The following ADAM19 variants were observed in gnomAD, a reference collection of about 807,000 sequenced individuals.
The protein encoded by ADAM19 is disintegrin and metalloproteinase domain-containing protein 19.
Under a neutral mutation model 114.7 loss-of-function variants are expected in ADAM19, and 65 were observed. The ratio of observed to expected loss-of-function variants is 0.57; its 90% CI spans 0.46 to 0.70. The LOEUF (loss-of-function observed/expected upper bound fraction) is 0.70. Ranked by LOEUF, ADAM19 falls within the 30% of genes least tolerant of loss-of-function variation. ADAM19 has a pLI of 0.00. For missense variants in ADAM19, 1,063 were observed against 1,204.7 expected, an observed-to-expected ratio of 0.88 and a Z score of 1.74; for synonymous variants, 466 against 460.5, an observed-to-expected ratio of 1.01 and a Z score of -0.15.
At chr5:157,531,430 G>A (rs1316864884) in intron 4 of ADAM19, among the ~76,000 whole-genome samples, 1 of 152,194 alleles carries the variant, frequency 6.6e-6, no homozygotes, top group Non-Finnish European at 1.5e-5. Context: ...ACTTTGGGAG[G>A]CTGAGGCAGA....
At chr5:157,527,369 CCTGA>C (rs1202387457) in intron 5 of ADAM19, among the ~76,000 whole-genome samples, 4 of 152,178 alleles carry the variant, frequency 2.6e-5, no homozygotes, top group Non-Finnish European at 5.9e-5. Flanking sequence ...CACCACCACG[CCTGA>C]CTAATTTTTT....
At position 157,488,964 on chromosome 5, in the gene ADAM19, A is replaced by G. The variant is rs142487293; in HGVS notation, c.2325+138T>C. 130 of 654,860 alleles carry G rather than the reference A, an allele frequency of 2.0e-4. 1 individual carries two copies. The East Asian group carries it at 3.8e-3, about 19-fold the overall frequency. 40.6% of individuals were successfully genotyped at this position (654,860 alleles called of 1,614,324 possible). On this transcript the variant is annotated intron_variant, in intron 20 of 22. Coordinates refer to ENST00000257527, the MANE Select transcript of ADAM19 (RefSeq NM_033274.5). The stretch of plus-strand genomic sequence containing the variant: ...AGAATGGCGTGAACCCTGGAGGCGG[A>G]GCTTGCAGTGAGCTGAGATGGCGCC...
chr5:157,545,669 A>G (rs920063828), intron 3 of ADAM19, among the ~76,000 whole-genome samples: 2 of 152,192 alleles, frequency 1.3e-5, no homozygotes, highest in Admixed American at 1.3e-4. Context: ...AGAATCTGAA[A>G]AAAAGCAAAA....
At chr5:157,488,713 T>G (rs11466800) in intron 20 of ADAM19, among the ~76,000 whole-genome samples, 31 of 152,266 alleles carry the variant, frequency 2.0e-4, no homozygotes, top group African/African-American at 7.2e-4. Context: ...ACCAATCCCA[T>G]GGGCCCACAG....
At chr5:157,560,264 CAAAAAAAAAAAAAAA>C (rs35731498) in intron 3 of ADAM19, among the ~76,000 whole-genome samples, 2 of 51,708 alleles carry the variant, frequency 3.9e-5, no homozygotes, top group African/African-American at 6.3e-5. Context: ...GACTCCGTCT[CAAAAAAAAAAAAAAA>C]AAAAAAAAAA....
At chr5:157,528,324 C>A (rs557679280) in intron 5 of ADAM19, among the ~76,000 whole-genome samples, 2 of 152,238 alleles carry the variant, frequency 1.3e-5, no homozygotes, top group Non-Finnish European at 2.9e-5. Flanking sequence ...ATCCCCCTCC[C>A]TTTCAGCACT....
In ADAM19 at chr5:157,564,313, C is replaced by T. The variant is rs143865699; in HGVS notation, c.251+60G>A. On this transcript the variant is annotated intron_variant, in intron 3 of 22. Transcript: ENST00000257527. ...CTTCCTTCCAGAACAGCGACACCTGCGTCCGGCGTTGACACAGAAGTTATT... is the reference window on the plus strand; with the variant it reads ...CTTCCTTCCAGAACAGCGACACCTGTGTCCGGCGTTGACACAGAAGTTATT... The T allele has an allele frequency of 2.2e-5, 32 of 1,488,148 alleles. No individual in the cohort carries two copies. The East Asian group carries it at 6.8e-4, about 32-fold the overall frequency. 92.2% of individuals were successfully genotyped at this position (1,488,148 alleles called of 1,614,324 possible).
Position 157,491,723 on chromosome 5 carries a change from C to A in ADAM19, c.1987G>T (p.Val663Phe). The change falls in exon 18 of 23, where the codon GTC becomes TTC. Residue 663 changes from valine to phenylalanine, a missense_variant and splice_region_variant. Coordinates refer to ENST00000257527, the MANE Select transcript of ADAM19 (RefSeq NM_033274.5). Reference protein sequence around the residue: ...GCGKKCNGHGVCNNNQNCHCL... With the variant: ...GCGKKCNGHGFCNNNQNCHCL... The stretch of plus-strand genomic sequence containing the variant: ...TGGCAGTTCTGGTTGTTGTTACAGA[C>A]CTGGAGCAAAGAAAGGGCAGAGGCA... 1 of 1,598,882 alleles carries A rather than the reference C, an allele frequency of 6.3e-7. No homozygotes were observed. Among genetic ancestry groups the A allele is most frequent in the Non-Finnish European group, 8.5e-7 (1 of 1,171,096 alleles).
intron 11 of ADAM19, among the ~76,000 whole-genome samples, 167 bp from the exon 12 acceptor site, chr5:157,503,147 C>T (rs191455071): frequency 2.0e-5 from 3 of 152,298 alleles, no homozygotes; most frequent in African/African-American, 7.2e-5. Flanking sequence ...TTTACCAATA[C>T]ATTAATTTAG....
intron 5 of ADAM19, among the ~76,000 whole-genome samples, chr5:157,528,088 C>T (rs573621936): frequency 4.6e-5 from 7 of 152,300 alleles, no homozygotes; most frequent in East Asian, 1.9e-4. Context: ...CTTTGGGAGG[C>T]GCCTAGTGTT....
intron 22 of ADAM19, chr5:157,481,395 T>C: frequency 6.6e-6 from 4 of 602,870 alleles, no homozygotes; most frequent in South Asian, 6.3e-5. Context: ...GGGCCAAGTG[T>C]ACACAGCCTC....
At chr5:157,492,407 C>T (rs1755204858) in intron 16 of ADAM19, among the ~76,000 whole-genome samples, 1 of 152,116 alleles carries the variant, frequency 6.6e-6, no homozygotes, top group Admixed American at 6.5e-5. Context: ...CTAAATTCTG[C>T]TATTACTTTT....
At chr5:157,504,884 C>T (rs970217881) in intron 11 of ADAM19, among the ~76,000 whole-genome samples, 6 of 151,854 alleles carry the variant, frequency 4.0e-5, no homozygotes, top group Non-Finnish European at 8.8e-5. Context: ...CTTTGGGAGG[C>T]CGAGGCGGGT....
At chr5:157,522,034 GC>G (rs1462074240) in intron 5 of ADAM19, among the ~76,000 whole-genome samples, 1 of 152,212 alleles carries the variant, frequency 6.6e-6, no homozygotes, top group Non-Finnish European at 1.5e-5. Context: ...ACTTGAACAA[GC>G]CTGTGAGCTA....
At chr5:157,531,275 C>A (rs1756616770) in intron 4 of ADAM19, among the ~76,000 whole-genome samples, 1 of 152,192 alleles carries the variant, frequency 6.6e-6, no homozygotes, top group Non-Finnish European at 1.5e-5. Context: ...TTTGCAACCC[C>A]CTGCAATGAG....
At chr5:157,492,005 C>T (rs1239937066) in intron 16 of ADAM19, 93 bp from the exon 17 acceptor site, 9 of 1,244,132 alleles carry the variant, frequency 7.2e-6, no homozygotes, top group Non-Finnish European at 1.0e-5. Context: ...CATATGAGGA[C>T]CCATGGCCCG....
chr5:157,480,243 C>T lies in ADAM19; in HGVS notation c.*706G>A, dbSNP rs777331738. On this transcript the variant is annotated 3_prime_UTR_variant, in exon 23 of 23. Coordinates refer to ENST00000257527, the MANE Select transcript of ADAM19 (RefSeq NM_033274.5). The stretch of plus-strand genomic sequence containing the variant: ...TCAGGAGTCGCAACCTTTGGCATCA[C>T]GGCTCAGAGGAAGCCCAAGCCCGGT... 54 of 985,886 alleles carry T rather than the reference C, an allele frequency of 5.5e-5. No individual in the cohort carries two copies. The highest frequency in any genetic ancestry group is 2.3e-4 in the East Asian group (2 of 8,834). 61.1% of individuals were successfully genotyped at this position (985,886 alleles called of 1,614,324 possible). A position where few individuals can be genotyped will look rare whatever the true frequency, so the allele number is the denominator to read the frequency against.
chr5:157,558,315 G>A (rs1020390953), intron 3 of ADAM19, among the ~76,000 whole-genome samples: 5 of 152,146 alleles, frequency 3.3e-5, no homozygotes, highest in African/African-American at 9.7e-5. Context: ...CTGTCTCCCC[G>A]GGTTATACAA....
At chr5:157,516,101 A>C (rs530611603) in intron 7 of ADAM19, among the ~76,000 whole-genome samples, 5 of 152,154 alleles carry the variant, frequency 3.3e-5, no homozygotes, top group African/African-American at 9.6e-5. Context: ...CTCTCAGATT[A>C]ATTAATTAAT....
Sources: allele counts gnomAD v4.1 joint callset (sites outside exome capture counted in the v4.1 genomes callset), GRCh38; gene constraint gnomAD v4.1.1; transcripts MANE v1.5; gene names NCBI Gene and HGNC (gene_info 2026-07-23, HGNC 2026-07-21).